The following SLC4A10 variants were observed in gnomAD, a reference collection of about 807,000 sequenced individuals.
The protein encoded by SLC4A10 is sodium-driven chloride bicarbonate exchanger.
A neutral mutation model predicts 137.7 loss-of-function variants in SLC4A10; 42 were observed. The ratio of observed to expected loss-of-function variants is 0.30; its 90% CI spans 0.24 to 0.39. SLC4A10 has a LOEUF of 0.39. Among genes scored for constraint, SLC4A10 ranks in the 10% least tolerant of loss-of-function variants. The probability of loss-of-function intolerance (pLI) is 1.00; values close to 1 mark genes in which losing one functional copy is unlikely to be tolerated. For synonymous variants in SLC4A10, 474 were observed against 464.1 expected (o/e 1.02, Z -0.27); for missense variants, 925 against 1,355.0 (o/e 0.68, Z 4.98).
intron 3 of SLC4A10, among the ~76,000 whole-genome samples, chr2:161,810,679 T>G (rs1348797914): frequency 6.6e-6 from 1 of 152,010 alleles, no homozygotes; most frequent in Non-Finnish European, 1.5e-5. Flanking sequence ...TAGTGAATTG[T>G]GTATGTCGAA....
chr2:161,783,735 A>T (rs1164812243), intron 2 of SLC4A10, among the ~76,000 whole-genome samples: 1 of 151,710 alleles, frequency 6.6e-6, no homozygotes, highest in South Asian at 2.1e-4. Flanking sequence ...TATTATATAA[A>T]CCCCATGGTA....
In SLC4A10 at chr2:161,845,900, C is replaced by A. The variant is rs910147583; in HGVS notation, c.416+5973C>A. 3.9e-5 allele frequency among the ~76,000 whole-genome samples: 6 copies of A among 151,944 alleles called. No homozygotes were observed. In the East Asian group the frequency reaches 1.2e-3, roughly 29 times the overall value. ...TTTAGAAGAAAATATTAGATAAAATCTTCAGGACCTAGGGCTAGGTGGCAA... is the reference window on the plus strand; with the variant it reads ...TTTAGAAGAAAATATTAGATAAAATATTCAGGACCTAGGGCTAGGTGGCAA... On this transcript the variant is annotated intron_variant, in intron 4 of 26. Coordinates refer to ENST00000446997, the MANE Select transcript of SLC4A10 (RefSeq NM_001178015.2).
chr2:161,676,328 A>G (rs890580093), intron 1 of SLC4A10, among the ~76,000 whole-genome samples: 2 of 148,512 alleles, frequency 1.3e-5, no homozygotes, highest in Admixed American at 6.9e-5. Context: ...GGGCACTGTC[A>G]TGGAATGTGG....
At chr2:161,882,674 C>A (rs999869510) in intron 10 of SLC4A10, among the ~76,000 whole-genome samples, 1 of 152,012 alleles carries the variant, frequency 6.6e-6, no homozygotes, top group Non-Finnish European at 1.5e-5. Context: ...GAAATTTTTT[C>A]AGTGACACTT....
intron 1 of SLC4A10, among the ~76,000 whole-genome samples, chr2:161,701,534 G>T (rs1220739150): frequency 2.6e-5 from 4 of 151,690 alleles, no homozygotes; most frequent in African/African-American, 9.7e-5. Context: ...CAGGATAATT[G>T]GGATATCCAT....
intron 23 of SLC4A10, among the ~76,000 whole-genome samples, chr2:161,966,408 T>A (rs965534547): frequency 1.3e-5 from 2 of 152,228 alleles, no homozygotes; most frequent in African/African-American, 4.8e-5. Context: ...TGTTATTATT[T>A]ATTTTTCTGT....
intron 25 of SLC4A10, among the ~76,000 whole-genome samples, chr2:161,977,474 T>A (rs893493037): frequency 6.6e-6 from 1 of 152,090 alleles, no homozygotes; most frequent in African/African-American, 2.4e-5. Flanking sequence ...TGTCCCTAAA[T>A]ATCAACAGTC....
At position 161,882,406 on chromosome 2, in the gene SLC4A10, G is replaced by A; in HGVS notation, c.1156G>A (p.Glu386Lys). Residue 386 changes from glutamate (E) to lysine (K), a missense_variant, in exon 10 of 27, where the codon GAG becomes AAG. This residue lies in a region of SLC4A10 where 277 missense variants were observed against 306.1 expected (regional missense o/e 0.90). Coordinates refer to ENST00000446997, the MANE Select transcript of SLC4A10 (RefSeq NM_001178015.2). ...GPLGKGQQYHEIGRSIATLMT... is the reference protein window; with the variant it reads ...GPLGKGQQYHKIGRSIATLMT... ...CCTGGGAAAGGGTCAACAGTACCATGAGATTGGCAGATCAATTGCAACCCT... is the reference window on the plus strand; with the variant it reads ...CCTGGGAAAGGGTCAACAGTACCATAAGATTGGCAGATCAATTGCAACCCT... 2 of 1,600,740 alleles carry A rather than the reference G, an allele frequency of 1.2e-6. No homozygotes were observed. Among genetic ancestry groups the A allele is most frequent in the African/African-American group, 1.3e-5 (1 of 74,604 alleles).
chr2:161,917,379 ATAGT>A (rs780192254), intron 15 of SLC4A10, among the ~76,000 whole-genome samples: 16 of 151,980 alleles, frequency 1.1e-4, no homozygotes, highest in Non-Finnish European at 1.9e-4. Flanking sequence ...GATAGTGTAG[ATAGT>A]TAGTGTGGAT....
Position 161,633,460 on chromosome 2 carries a change from A to G in SLC4A10, c.48+8894A>G, listed in dbSNP as rs957857495. Among the ~76,000 whole-genome samples, 5 of 151,680 alleles carry G rather than the reference A, an allele frequency of 3.3e-5. No individual in the cohort carries two copies. The South Asian group carries it at 1.0e-3, about 31-fold the overall frequency. On this transcript the variant is annotated intron_variant, in intron 1 of 26. Coordinates refer to ENST00000446997, the MANE Select transcript of SLC4A10 (RefSeq NM_001178015.2). The stretch of plus-strand genomic sequence containing the variant: ...GACATTGGAGTTGGAAAATTCTAAA[A>G]GTTTCAGTTAGGAGGTGTGTCAATT...
chr2:161,794,667 C>T (rs926764120), intron 2 of SLC4A10, among the ~76,000 whole-genome samples: 1 of 152,066 alleles, frequency 6.6e-6, no homozygotes, highest in Non-Finnish European at 1.5e-5. Flanking sequence ...GAGGTTGTTC[C>T]GTCTCTATGT....
At chr2:161,913,474 C>G (rs975150753) in intron 15 of SLC4A10, among the ~76,000 whole-genome samples, 4 of 152,052 alleles carry the variant, frequency 2.6e-5, no homozygotes, top group African/African-American at 9.7e-5. Flanking sequence ...AATTGTGAAC[C>G]TTTGCTCTTA....
intron 2 of SLC4A10, among the ~76,000 whole-genome samples, chr2:161,803,500 C>T (rs2055591763): frequency 6.6e-6 from 1 of 152,106 alleles, no homozygotes; most frequent in Non-Finnish European, 1.5e-5. Context: ...CTAAAAATGC[C>T]CTGTGCTCCA....
intron 1 of SLC4A10, among the ~76,000 whole-genome samples, chr2:161,677,054 G>A (rs1326721832): frequency 6.6e-6 from 1 of 152,176 alleles, no homozygotes; most frequent in East Asian, 1.9e-4. Flanking sequence ...AGTATTGAAA[G>A]TGGTGCCTGG....
At chr2:161,702,892 G>A (rs1292206473) in intron 1 of SLC4A10, among the ~76,000 whole-genome samples, 1 of 151,732 alleles carries the variant, frequency 6.6e-6, no homozygotes, top group Non-Finnish European at 1.5e-5. Context: ...GTTACTGTTA[G>A]AAAACCTACA....
intron 7 of SLC4A10, among the ~76,000 whole-genome samples, 176 bp downstream of exon 7, chr2:161,872,560 A>C (rs76955084): frequency 2.4e-5 from 3 of 126,494 alleles, no homozygotes; most frequent in African/African-American, 8.5e-5. Context: ...GCCTATTCAA[A>C]AAAAAAAAAA....
intron 2 of SLC4A10, among the ~76,000 whole-genome samples, chr2:161,777,680 T>C (rs1255412197): frequency 2.6e-5 from 4 of 151,826 alleles, no homozygotes; most frequent in Non-Finnish European, 1.5e-5. Context: ...CCATCAGATC[T>C]CCTGAGACCC....
At chr2:161,758,734 G>T (rs1320632106) in intron 1 of SLC4A10, among the ~76,000 whole-genome samples, 1 of 151,810 alleles carries the variant, frequency 6.6e-6, no homozygotes. Flanking sequence ...CTTGCTAATT[G>T]CATTTAAAAA....
chr2:161,660,556 ATTTCTTTCTTTCTTTCTTTCTTTC>A (rs574482342), intron 1 of SLC4A10, among the ~76,000 whole-genome samples: 75 of 110,436 alleles, frequency 6.8e-4, no homozygotes, highest in East Asian at 1.6e-3. Context: ...ACTCATCTAT[ATTTCTTTCTTTCTTTCTTTCTTTC>A]TTTCTTTCTT....
Sources: gnomAD v4.1 joint callset for allele counts (sites outside exome capture counted in the v4.1 genomes callset) on GRCh38, gnomAD v4.1.1 for gene constraint, gnomAD v4.1.1 regional missense constraint, MANE v1.5 for transcripts, NCBI Gene and HGNC (gene_info 2026-07-23, HGNC 2026-07-21) for gene names.